The following AKAIN1 variants were observed in gnomAD, a reference collection of about 807,000 sequenced individuals.
The protein encoded by AKAIN1 is A-kinase anchor inhibitor 1, also known as A-kinase anchor protein inhibitor 1.
Under a neutral mutation model 3.7 loss-of-function variants are expected in AKAIN1, and 3 were observed. The observed-to-expected ratio is 0.82, with a 90% CI of 0.37 to 2.12. The LOEUF (loss-of-function observed/expected upper bound fraction) is 2.12, where lower values mean the gene tolerates loss of function less well. Ranked by LOEUF, AKAIN1 falls within the 30% of genes most tolerant of loss-of-function variation. The pLI, the probability that AKAIN1 is intolerant of heterozygous loss-of-function variation, is 0.06. For missense variants in AKAIN1, 82 were observed against 82.7 expected (o/e 0.99, Z 0.03); for synonymous variants, 31 against 30.8 (o/e 1.01, Z -0.02).
At position 5,197,177 on chromosome 18, in the gene AKAIN1, C is replaced by A. The variant is rs566726614; in HGVS notation, c.-124G>T. The A allele has an allele frequency of 3.3e-4, 494 of 1,502,420 alleles. 4 individuals carry two copies. In the South Asian group the frequency reaches 5.8e-3, roughly 18 times the overall value. The allele number at this position is 1,502,420 out of a possible 1,614,324, so 93.1% of individuals were successfully genotyped here. On this transcript the variant is annotated 5_prime_UTR_variant, in exon 1 of 2. Coordinates refer to ENST00000434239, the MANE Select transcript of AKAIN1 (RefSeq NM_001145194.2). This position sits in a 1 kb window ranked among gnomAD's most constrained non-coding sequence, Gnocchi z 6.9. Reference sequence around the variant, plus strand: ...CGCGCTGGGCGGGCGGCGGGCGGGGCGGTCAGCACCCCGGACAGCTCCCGC... The same window carrying A: ...CGCGCTGGGCGGGCGGCGGGCGGGGAGGTCAGCACCCCGGACAGCTCCCGC...
chr18:5,161,975 A>C (rs2071141985), intron 1 of AKAIN1, among the ~76,000 whole-genome samples: 1 of 152,142 alleles, frequency 6.6e-6, no homozygotes, highest in African/African-American at 2.4e-5. Context: ...GGAGCTCTTC[A>C]AGGTTTTTGG....
At chr18:5,196,667 A>T (rs2071349711) in intron 1 of AKAIN1, among the ~76,000 whole-genome samples, 1 of 152,194 alleles carries the variant, frequency 6.6e-6, no homozygotes, top group Non-Finnish European at 1.5e-5. Flanking sequence ...TTCCCACGCA[A>T]GTAGCCCGAA....
intron 1 of AKAIN1, among the ~76,000 whole-genome samples, chr18:5,168,886 AAAC>A (rs1222898126): frequency 2.0e-5 from 3 of 151,686 alleles, no homozygotes; most frequent in African/African-American, 7.3e-5. Context: ...AAAAGCAAAC[AAAC>A]AAAAACAACA....
chr18:5,146,353 T>C (rs2071049252), intron 1 of AKAIN1, among the ~76,000 whole-genome samples: 1 of 152,214 alleles, frequency 6.6e-6, no homozygotes, highest in South Asian at 2.1e-4. Context: ...AGAAGCAGAC[T>C]AATTTTGAAG....
intron 1 of AKAIN1, among the ~76,000 whole-genome samples, chr18:5,188,961 A>G (rs971044288): frequency 2.0e-5 from 3 of 152,250 alleles, no homozygotes; most frequent in African/African-American, 7.2e-5. Flanking sequence ...AGGTGGAAAA[A>G]TGCATGCCTT....
chr18:5,170,226 C>T (rs1187633265), intron 1 of AKAIN1, among the ~76,000 whole-genome samples: 2 of 152,190 alleles, frequency 1.3e-5, no homozygotes, highest in African/African-American at 4.8e-5. Context: ...AGGAAAGACT[C>T]AGCCTTTTAG....
At chr18:5,174,282 C>A (rs576193437) in intron 1 of AKAIN1, among the ~76,000 whole-genome samples, 50 of 152,216 alleles carry the variant, frequency 3.3e-4, no homozygotes, top group African/African-American at 1.2e-3. Context: ...AATTCCCTTT[C>A]AAGGGAATAC....
At chr18:5,165,908 T>G (rs1262198354) in intron 1 of AKAIN1, among the ~76,000 whole-genome samples, 2 of 152,040 alleles carry the variant, frequency 1.3e-5, no homozygotes, top group Admixed American at 1.3e-4. Flanking sequence ...AATAAAGTTA[T>G]AGGCTTGCAG....
At chr18:5,149,324 C>T (rs1348721745) in intron 1 of AKAIN1, among the ~76,000 whole-genome samples, 1 of 152,188 alleles carries the variant, frequency 6.6e-6, no homozygotes, top group Non-Finnish European at 1.5e-5. Context: ...ACACATACTA[C>T]TTGTGTGTTA....
At chr18:5,174,656 G>A (rs76451616) in intron 1 of AKAIN1, among the ~76,000 whole-genome samples, 1 of 152,054 alleles carries the variant, frequency 6.6e-6, no homozygotes, top group Non-Finnish European at 1.5e-5. Context: ...CACGAGAATC[G>A]CTTAAAGCCT....
At chr18:5,185,955 A>T (rs934832057) in intron 1 of AKAIN1, among the ~76,000 whole-genome samples, 1 of 152,160 alleles carries the variant, frequency 6.6e-6, no homozygotes, top group African/African-American at 2.4e-5. Flanking sequence ...TAGACTGGAT[A>T]AACAAAATGT....
At chr18:5,161,216 TCTC>T (rs1233894569) in intron 1 of AKAIN1, among the ~76,000 whole-genome samples, 1 of 152,086 alleles carries the variant, frequency 6.6e-6, no homozygotes, top group Non-Finnish European at 1.5e-5. Context: ...TTTATTTAGA[TCTC>T]CTTTAATTAA....
chr18:5,191,229 G>A (rs189859340), intron 1 of AKAIN1, among the ~76,000 whole-genome samples: 1 of 152,088 alleles, frequency 6.6e-6, no homozygotes, highest in African/African-American at 2.4e-5. Context: ...TTTTTTCAAA[G>A]TACCTGCCTA....
At chr18:5,186,279 A>T (rs1254007374) in intron 1 of AKAIN1, among the ~76,000 whole-genome samples, 1 of 152,122 alleles carries the variant, frequency 6.6e-6, no homozygotes. Flanking sequence ...TGCAATGATT[A>T]TTACCTGGAT....
chr18:5,170,232 T>G (rs1335157968), intron 1 of AKAIN1, among the ~76,000 whole-genome samples: 1 of 152,176 alleles, frequency 6.6e-6, no homozygotes, highest in Non-Finnish European at 1.5e-5. Flanking sequence ...GACTCAGCCT[T>G]TTAGACTCAC....
At chr18:5,146,149 T>A (rs2071048117) in intron 1 of AKAIN1, among the ~76,000 whole-genome samples, 1 of 152,254 alleles carries the variant, frequency 6.6e-6, no homozygotes, top group Non-Finnish European at 1.5e-5. Flanking sequence ...CCAATATTTT[T>A]CTTCCATGGT....
chr18:5,150,603 C>A (rs549859917), intron 1 of AKAIN1, among the ~76,000 whole-genome samples: 1 of 152,288 alleles, frequency 6.6e-6, no homozygotes, highest in African/African-American at 2.4e-5. Context: ...TCCTCATCCC[C>A]AGGCATCCAC....
At chr18:5,166,430 C>A (rs2071168153) in intron 1 of AKAIN1, among the ~76,000 whole-genome samples, 1 of 151,946 alleles carries the variant, frequency 6.6e-6, no homozygotes, top group Non-Finnish European at 1.5e-5. Context: ...CCCTTTTTAT[C>A]CCTCTCCCAT....
At chr18:5,197,346 C>T (rs1329207462), upstream of AKAIN1, 3 of 1,286,118 alleles carry the variant, frequency 2.3e-6, no homozygotes, top group Middle Eastern at 2.8e-4. The surrounding 1 kb of genome is among the most constrained non-coding windows in gnomAD (Gnocchi z 6.9). Context: ...TACACTGCTG[C>T]TTAGGGAGCA....
Sources: gnomAD v4.1 joint callset for allele counts (sites outside exome capture counted in the v4.1 genomes callset) on GRCh38, gnomAD v4.1.1 for gene constraint, Gnocchi (gnomAD v3.1) non-coding constraint, MANE v1.5 for transcripts, NCBI Gene and HGNC (gene_info 2026-07-23, HGNC 2026-07-21) for gene names.